Variants in RLN2 observed in about 807,000 individuals in gnomAD.
RLN2 encodes relaxin 2.
Under a neutral mutation model 7.3 loss-of-function variants are expected in RLN2, and 10 were observed. The observed-to-expected ratio is 1.36, with a 90% CI of 0.84 to 2.31. RLN2 has a LOEUF of 2.31. Among genes scored for constraint, RLN2 ranks in the 30% most tolerant of loss-of-function variants. The pLI is 0.00. For missense variants in RLN2, 298 were observed against 217.6 expected, an observed-to-expected ratio of 1.37 and a Z score of -2.32; for synonymous variants, 103 against 82.3, an observed-to-expected ratio of 1.25 and a Z score of -1.36.
At chr9:5,302,244 G>C (rs1332355889) in intron 1 of RLN2, among the ~76,000 whole-genome samples, 4 of 152,142 alleles carry the variant, frequency 2.6e-5, no homozygotes, top group Non-Finnish European at 4.4e-5. Flanking sequence ...TAGGCTCAAA[G>C]AAAATATTCT....
chr9:5,318,164 C>T, the RLN2 span, among the ~76,000 whole-genome samples: 1 of 152,008 alleles, frequency 6.6e-6, no homozygotes, highest in African/African-American at 2.4e-5. Flanking sequence ...TGAGCTACTG[C>T]ACCCAGTCAA....
the RLN2 span, among the ~76,000 whole-genome samples, chr9:5,314,853 G>A: frequency 6.6e-6 from 1 of 151,558 alleles, no homozygotes; most frequent in African/African-American, 2.4e-5. Context: ...GCAGTCCCTC[G>A]TGTCCTGGGG....
At chr9:5,334,884 C>G in the RLN2 span, 1 of 164,730 alleles carries the variant, frequency 6.1e-6, no homozygotes, top group South Asian at 1.9e-4. Flanking sequence ...TATGTATATC[C>G]AATCTAAGAG....
chr9:5,302,687 G>A (rs1586929182), intron 1 of RLN2, among the ~76,000 whole-genome samples: 1 of 152,132 alleles, frequency 6.6e-6, no homozygotes, highest in African/African-American at 2.4e-5. Flanking sequence ...TGTGCTTAAT[G>A]AAGTATTTTC....
the RLN2 span, among the ~76,000 whole-genome samples, chr9:5,334,615 T>A: frequency 6.6e-6 from 1 of 152,036 alleles, no homozygotes; most frequent in Non-Finnish European, 1.5e-5. Flanking sequence ...CTCCATTATG[T>A]CTATACGTTT....
chr9:5,306,460 T>C (rs1816254592), upstream of RLN2, among the ~76,000 whole-genome samples: 1 of 151,976 alleles, frequency 6.6e-6, no homozygotes, highest in Non-Finnish European at 1.5e-5. Context: ...TTTCCCATTT[T>C]ACAGAAAGAA....
the RLN2 span, among the ~76,000 whole-genome samples, chr9:5,315,338 A>G: frequency 6.6e-6 from 1 of 151,620 alleles, no homozygotes; most frequent in African/African-American, 2.4e-5. Context: ...CTTCAACAGC[A>G]GACTAGATCA....
the RLN2 span, among the ~76,000 whole-genome samples, chr9:5,329,847 T>A: frequency 1.3e-5 from 2 of 151,966 alleles, no homozygotes; most frequent in Non-Finnish European, 1.5e-5. Context: ...AATAGACAGA[T>A]CAATGAGACA....
the RLN2 span, among the ~76,000 whole-genome samples, chr9:5,329,957 A>G: frequency 3.3e-5 from 5 of 152,012 alleles, no homozygotes; most frequent in Non-Finnish European, 7.4e-5. Context: ...CAGAATATAC[A>G]TTCTTCTCAG....
the RLN2 span, among the ~76,000 whole-genome samples, chr9:5,319,396 G>GGAGAAAACA: frequency 6.6e-6 from 1 of 151,754 alleles, no homozygotes; most frequent in Non-Finnish European, 1.5e-5. Context: ...GAAGAACGAG[G>GGAGAAAACA]GAGAAAACAT....
the RLN2 span, chr9:5,311,604 T>C: frequency 3.6e-6 from 4 of 1,109,350 alleles, no homozygotes; most frequent in African/African-American, 1.5e-5. Flanking sequence ...AAGATACCCA[T>C]AGGGAAAAAG....
At chr9:5,329,309 CAAAAAAAAA>C in the RLN2 span, among the ~76,000 whole-genome samples, 5 of 53,300 alleles carry the variant, frequency 9.4e-5, no homozygotes, top group African/African-American at 1.5e-4. Context: ...GACTCCATCT[CAAAAAAAAA>C]AAAAAAAAAA....
upstream of RLN2, among the ~76,000 whole-genome samples, chr9:5,305,402 C>CACACACACACAGAG (rs397829533): frequency 5.3e-5 from 6 of 112,256 alleles, no homozygotes; most frequent in African/African-American, 1.4e-4. Flanking sequence ...CACACACACA[C>CACACACACACAGAG]AGAGAGAGAG....
At chr9:5,304,790 A>AT (rs1816212824), upstream of RLN2, 1 of 586,836 alleles carries the variant, frequency 1.7e-6, no homozygotes, top group South Asian at 2.1e-5. Flanking sequence ...CCTCCACAGA[A>AT]TTTTCCCCCT....
chr9:5,325,154 A>G, the RLN2 span, among the ~76,000 whole-genome samples: 1 of 151,940 alleles, frequency 6.6e-6, no homozygotes, highest in Admixed American at 6.6e-5. Flanking sequence ...TATTACTATT[A>G]TTTTGTGGGG....
the RLN2 span, among the ~76,000 whole-genome samples, chr9:5,326,792 A>G: frequency 1.8e-3 from 281 of 152,250 alleles, 3 homozygotes; most frequent in African/African-American, 6.6e-3. Flanking sequence ...GGAAGAAATG[A>G]TGGTTAGCAC....
the RLN2 span, among the ~76,000 whole-genome samples, chr9:5,323,976 G>A: frequency 6.6e-6 from 1 of 151,898 alleles, no homozygotes; most frequent in Non-Finnish European, 1.5e-5. Context: ...TGAACCCAAA[G>A]GCAGAGGTTG....
the RLN2 span, among the ~76,000 whole-genome samples, chr9:5,309,933 A>C: frequency 6.6e-6 from 1 of 152,030 alleles, no homozygotes; most frequent in African/African-American, 2.4e-5. Context: ...AGAACTAGGG[A>C]AAGGCAGAGC....
At chr9:5,321,070 G>C in the RLN2 span, among the ~76,000 whole-genome samples, 1 of 152,046 alleles carries the variant, frequency 6.6e-6, no homozygotes, top group Non-Finnish European at 1.5e-5. Flanking sequence ...GCAAACATAA[G>C]ACTATTCTTC....
Sources: allele counts gnomAD v4.1 joint callset (sites outside exome capture counted in the v4.1 genomes callset), GRCh38; gene constraint gnomAD v4.1.1; transcripts MANE v1.5; gene names NCBI Gene and HGNC (gene_info 2026-07-23, HGNC 2026-07-21).